BMAL2: variants seen among roughly 807,000 people sequenced by gnomAD.
The protein encoded by BMAL2 is basic helix-loop-helix ARNT-like protein 2.
chr12:27,333,680 C>T, the BMAL2 span, among the ~76,000 whole-genome samples: 1 of 152,258 alleles, frequency 6.6e-6, no homozygotes, highest in Non-Finnish European at 1.5e-5. Context: ...GGGCCACACT[C>T]CGGGATCGCA....
chr12:27,407,178 G>C, the BMAL2 span, among the ~76,000 whole-genome samples: 2 of 152,230 alleles, frequency 1.3e-5, no homozygotes, highest in South Asian at 2.1e-4. Flanking sequence ...ACATTAGACA[G>C]ATCAACGAGA....
the BMAL2 span, chr12:27,380,272 C>T: frequency 3.0e-5 from 49 of 1,614,022 alleles, no homozygotes; most frequent in South Asian, 8.8e-5. Context: ...AACTGAAAAG[C>T]GGAGGAGAGA....
the BMAL2 span, chr12:27,401,518 G>A: frequency 2.6e-5 from 41 of 1,574,370 alleles, no homozygotes; most frequent in South Asian, 5.8e-5. Context: ...ATCTTTTCTC[G>A]TTAAGTTCTA....
At chr12:27,370,556 C>G in the BMAL2 span, among the ~76,000 whole-genome samples, 4 of 152,042 alleles carry the variant, frequency 2.6e-5, no homozygotes, top group Non-Finnish European at 5.9e-5. Context: ...GAATGTCCAC[C>G]CTTTCTGTGG....
At chr12:27,411,009 G>A in the BMAL2 span, among the ~76,000 whole-genome samples, 2 of 152,054 alleles carry the variant, frequency 1.3e-5, no homozygotes, top group African/African-American at 4.8e-5. Context: ...CTATCTTAAT[G>A]TATAAAGAGT....
At chr12:27,410,562 A>G in the BMAL2 span, among the ~76,000 whole-genome samples, 1 of 152,142 alleles carries the variant, frequency 6.6e-6, no homozygotes, top group Non-Finnish European at 1.5e-5. Flanking sequence ...ACATGGACAC[A>G]GGAAGGGGAA....
chr12:27,370,054 C>T, the BMAL2 span: 2 of 1,079,582 alleles, frequency 1.9e-6, no homozygotes, highest in East Asian at 2.4e-5. Flanking sequence ...GCTACTTTCT[C>T]CACTTGAGGA....
chr12:27,421,840 T>C, the BMAL2 span: 1 of 152,186 alleles, frequency 6.6e-6, no homozygotes, highest in South Asian at 2.1e-4. Context: ...CCAGTTTCTT[T>C]ATACACATTT....
chr12:27,343,693 G>A, the BMAL2 span, among the ~76,000 whole-genome samples: 1 of 152,174 alleles, frequency 6.6e-6, no homozygotes, highest in Non-Finnish European at 1.5e-5. Flanking sequence ...GAACAAGTTA[G>A]GGGACTTTTC....
At chr12:27,351,033 G>A in the BMAL2 span, among the ~76,000 whole-genome samples, 11 of 125,560 alleles carry the variant, frequency 8.8e-5, no homozygotes, top group Admixed American at 1.1e-3. Flanking sequence ...CTGTCATCCA[G>A]GCTGCAGTGC....
chr12:27,334,316 C>G, the BMAL2 span, among the ~76,000 whole-genome samples: 17 of 152,156 alleles, frequency 1.1e-4, 1 homozygote, highest in African/African-American at 4.1e-4. Context: ...TCTAAGTTCC[C>G]CCATCTGTAA....
At chr12:27,404,406 A>G in the BMAL2 span, among the ~76,000 whole-genome samples, 3 of 152,294 alleles carry the variant, frequency 2.0e-5, no homozygotes, top group African/African-American at 7.2e-5. Context: ...CAGAAATACA[A>G]TCAAATGCAC....
the BMAL2 span, among the ~76,000 whole-genome samples, chr12:27,412,867 A>G: frequency 6.6e-6 from 1 of 152,168 alleles, no homozygotes; most frequent in Non-Finnish European, 1.5e-5. Flanking sequence ...AAAGAAGGAG[A>G]GGATTTTGAA....
At chr12:27,407,437 G>A in the BMAL2 span, among the ~76,000 whole-genome samples, 1 of 152,074 alleles carries the variant, frequency 6.6e-6, no homozygotes, top group Non-Finnish European at 1.5e-5. Flanking sequence ...GGATTAAGAA[G>A]CTCACTCAAA....
chr12:27,419,974 T>G, the BMAL2 span, among the ~76,000 whole-genome samples: 4 of 151,138 alleles, frequency 2.6e-5, no homozygotes, highest in African/African-American at 9.8e-5. Context: ...CAGATAGGGT[T>G]TTTTCATAAG....
At chr12:27,414,936 G>A in the BMAL2 span, among the ~76,000 whole-genome samples, 11 of 152,170 alleles carry the variant, frequency 7.2e-5, no homozygotes, top group African/African-American at 2.2e-4. Context: ...GAATGAACTC[G>A]CAGGACATTA....
the BMAL2 span, chr12:27,403,640 C>G: frequency 7.8e-6 from 5 of 639,736 alleles, no homozygotes; most frequent in East Asian, 1.5e-4. Context: ...CAAATGATAA[C>G]CAGTTTAATA....
chr12:27,402,870 C>A, the BMAL2 span, among the ~76,000 whole-genome samples: 1 of 152,234 alleles, frequency 6.6e-6, no homozygotes, highest in African/African-American at 2.4e-5. Flanking sequence ...CCCATTTAAA[C>A]TCCCAGAGGT....
the BMAL2 span, among the ~76,000 whole-genome samples, chr12:27,386,957 T>A: frequency 6.6e-6 from 1 of 152,276 alleles, no homozygotes; most frequent in African/African-American, 2.4e-5. Flanking sequence ...GGCCTAATTT[T>A]AGTTTTTAAG....
Sources: allele counts gnomAD v4.1 joint callset (sites outside exome capture counted in the v4.1 genomes callset), GRCh38; gene constraint gnomAD v4.1.1; transcripts MANE v1.5; gene names NCBI Gene and HGNC (gene_info 2026-07-23, HGNC 2026-07-21).